Variants in CADM1 observed in about 807,000 individuals in gnomAD.
CADM1 encodes the protein TSLC-1.
In CADM1, 15 loss-of-function variants were observed where a neutral mutation model predicts 53.1. The observed-to-expected ratio is 0.28, with a 90% CI of 0.19 to 0.44. The LOEUF is 0.44. Ranked by LOEUF, CADM1 falls within the 20% of genes least tolerant of loss-of-function variation. CADM1 has a pLI of 1.00. For synonymous variants in CADM1, 281 were observed against 243.0 expected (o/e 1.16, Z -1.45); for missense variants, 434 against 611.3 (o/e 0.71, Z 3.06).
At chr11:115,224,089 AT>A (rs1436479502) in intron 5 of CADM1, among the ~76,000 whole-genome samples, 1 of 151,856 alleles carries the variant, frequency 6.6e-6, no homozygotes, top group Non-Finnish European at 1.5e-5. Context: ...GAGGGAGAGG[AT>A]TTGACATAGA....
chr11:115,212,981 C>T (rs1160467044), intron 7 of CADM1, among the ~76,000 whole-genome samples: 1 of 152,194 alleles, frequency 6.6e-6, no homozygotes, highest in Non-Finnish European at 1.5e-5. Flanking sequence ...TGTTTCTTCT[C>T]TTGAAATGTA....
At chr11:115,191,410 C>T (rs1939857723) in intron 9 of CADM1, among the ~76,000 whole-genome samples, 1 of 152,174 alleles carries the variant, frequency 6.6e-6, no homozygotes, top group African/African-American at 2.4e-5. Context: ...TCACATATTT[C>T]AAAATGGTAC....
chr11:115,235,330 A>G (rs1434126089), intron 3 of CADM1, among the ~76,000 whole-genome samples: 2 of 152,224 alleles, frequency 1.3e-5, no homozygotes, highest in African/African-American at 4.8e-5. Context: ...CTACTCTAAT[A>G]CAAAAGGTTA....
chr11:115,415,334 C>T (rs760264760), intron 1 of CADM1, among the ~76,000 whole-genome samples: 1 of 152,084 alleles, frequency 6.6e-6, no homozygotes, highest in Admixed American at 6.5e-5. Flanking sequence ...CAGTTAATTT[C>T]ACCAAGTGGT....
chr11:115,253,906 G>C (rs572808871), intron 1 of CADM1, among the ~76,000 whole-genome samples: 1 of 152,294 alleles, frequency 6.6e-6, no homozygotes. Flanking sequence ...ATTTGATTTT[G>C]ATCTGGGTTC....
chr11:115,393,808 A>T (rs1455669319), intron 1 of CADM1, among the ~76,000 whole-genome samples: 1 of 152,182 alleles, frequency 6.6e-6, no homozygotes, highest in East Asian at 1.9e-4. Flanking sequence ...GCATTATGGC[A>T]TTAGCACTGT....
chr11:115,479,011 T>C (rs772444127), intron 1 of CADM1, among the ~76,000 whole-genome samples: 2 of 152,144 alleles, frequency 1.3e-5, no homozygotes, highest in Admixed American at 6.6e-5. Context: ...TTTGTGCACT[T>C]GTAAAACTAT....
intron 1 of CADM1, among the ~76,000 whole-genome samples, chr11:115,318,565 T>A (rs563763434): frequency 7.9e-5 from 12 of 152,290 alleles, no homozygotes; most frequent in African/African-American, 2.9e-4. Flanking sequence ...TTTTAATACT[T>A]CAATCAGACT....
At chr11:115,299,559 T>C (rs1033488246) in intron 1 of CADM1, among the ~76,000 whole-genome samples, 1 of 152,166 alleles carries the variant, frequency 6.6e-6, no homozygotes, top group Non-Finnish European at 1.5e-5. Context: ...TTAAAAGGTA[T>C]GTCCTGTAAA....
At chr11:115,476,122 A>G (rs1949125362) in intron 1 of CADM1, among the ~76,000 whole-genome samples, 3 of 152,302 alleles carry the variant, frequency 2.0e-5, no homozygotes, top group South Asian at 4.1e-4. Flanking sequence ...TATGCAATTC[A>G]CATTCAAATT....
chr11:115,376,812 C>G (rs983500130), intron 1 of CADM1, among the ~76,000 whole-genome samples: 2 of 152,130 alleles, frequency 1.3e-5, no homozygotes, highest in Non-Finnish European at 2.9e-5. Flanking sequence ...GGGATTCTGT[C>G]AAGTAATTCC....
chr11:115,502,169 C>T (rs756168771), intron 1 of CADM1, among the ~76,000 whole-genome samples: 10 of 152,084 alleles, frequency 6.6e-5, no homozygotes, highest in Non-Finnish European at 1.2e-4. Context: ...GAGATAGTTA[C>T]AAATATAGTA....
At chr11:115,490,392 AT>A (rs35633504) in intron 1 of CADM1, among the ~76,000 whole-genome samples, 1,551 of 109,286 alleles carry the variant, frequency 0.014, 11 homozygotes, top group African/African-American at 0.024. Flanking sequence ...GGAAGAACAG[AT>A]TTTTTTTTTT....
intron 1 of CADM1, among the ~76,000 whole-genome samples, chr11:115,359,963 T>C (rs572727049): frequency 9.2e-5 from 14 of 152,320 alleles, no homozygotes; most frequent in Admixed American, 2.6e-4. Context: ...TTCAATCACA[T>C]GTTGAGAGCC....
At chr11:115,288,618 T>A (rs904421320) in intron 1 of CADM1, among the ~76,000 whole-genome samples, 1 of 152,176 alleles carries the variant, frequency 6.6e-6, no homozygotes, top group African/African-American at 2.4e-5. Context: ...CTCTCCCTTG[T>A]CCCCACTTCA....
chr11:115,241,964 G>A (rs891618339), intron 1 of CADM1, among the ~76,000 whole-genome samples: 1 of 149,550 alleles, frequency 6.7e-6, no homozygotes, highest in African/African-American at 2.5e-5. Flanking sequence ...TCTGTTGAAG[G>A]ATCCTTTTTT....
At chr11:115,207,008 T>C (rs1940731867) in intron 8 of CADM1, among the ~76,000 whole-genome samples, 1 of 152,088 alleles carries the variant, frequency 6.6e-6, no homozygotes. Flanking sequence ...TTCAGCTGCA[T>C]AACCTTTAAT....
chr11:115,475,211 C>T (rs989867011), intron 1 of CADM1, among the ~76,000 whole-genome samples: 2 of 152,062 alleles, frequency 1.3e-5, no homozygotes, highest in East Asian at 1.9e-4. Flanking sequence ...AACGTAAATG[C>T]TATATAGTTG....
At chr11:115,218,577 C>T (rs544149250) in intron 5 of CADM1, among the ~76,000 whole-genome samples, 2 of 152,226 alleles carry the variant, frequency 1.3e-5, no homozygotes, top group East Asian at 1.9e-4. Context: ...GCATCTACTC[C>T]CCTAGGAACC....
Sources: gnomAD v4.1 joint callset for allele counts (sites outside exome capture counted in the v4.1 genomes callset) on GRCh38, gnomAD v4.1.1 for gene constraint, MANE v1.5 for transcripts, NCBI Gene and HGNC (gene_info 2026-07-23, HGNC 2026-07-21) for gene names.